Variants in KRT8 observed in about 807,000 individuals in gnomAD.
The protein encoded by KRT8 is keratin, type II cytoskeletal 8.
A neutral mutation model predicts 43.0 loss-of-function variants in KRT8; 24 were observed. That is an observed-to-expected ratio of 0.56 (90% CI 0.40 to 0.78). The LOEUF (loss-of-function observed/expected upper bound fraction) is 0.78. Ranked by LOEUF, KRT8 falls within the 30% of genes least tolerant of loss-of-function variation. KRT8 has a pLI of 0.00. For missense variants in KRT8, 492 were observed against 638.4 expected, an observed-to-expected ratio of 0.77 and a Z score of 2.47; for synonymous variants, 214 against 261.2, an observed-to-expected ratio of 0.82 and a Z score of 1.74.
Position 52,925,307 on chromosome 12 carries a change from A to G in KRT8, c.-46-20280T>C, listed in dbSNP as rs75297578. ...CATAAACCTTATCTCCTTCCTCTGA[A>G]TAGCTGGGATAGCTATCTCTGGCTC... On this transcript the variant is annotated intron_variant, in intron 2 of 6. Transcript: ENST00000546826. Among the ~76,000 whole-genome samples the G allele has an allele frequency of 2.6e-5, 4 of 152,278 alleles. No homozygotes were observed. The East Asian group carries it at 7.7e-4, about 29-fold the overall frequency.
rs185649654 is a variant in KRT8 at position 52,902,700 on chromosome 12, C to T, written c.325-628G>A. Reference sequence around the variant, plus strand: ...ACCGCGCCCGGCCAAAAATAGCCAACCTTTCTAAAGATGTTAAGATTGAAA... The same window carrying T: ...ACCGCGCCCGGCCAAAAATAGCCAATCTTTCTAAAGATGTTAAGATTGAAA... On this transcript the variant is annotated intron_variant, in intron 1 of 7. Coordinates refer to ENST00000692008, the Ensembl canonical transcript of KRT8. 5.1e-3 allele frequency among the ~76,000 whole-genome samples: 768 copies of T among 151,982 alleles called. 7 individuals carry two copies. Among genetic ancestry groups the T allele is most frequent in the African/African-American group, 0.017 (705 of 41,522 alleles).
chr12:52,932,241 A>T (rs1410475960), intron 2 of KRT8, among the ~76,000 whole-genome samples: 1 of 151,848 alleles, frequency 6.6e-6, no homozygotes, highest in Non-Finnish European at 1.5e-5. Context: ...AGCGCCTGCA[A>T]CCACACCTGG....
intron 2 of KRT8, among the ~76,000 whole-genome samples, chr12:52,913,640 A>G (rs1171352577): frequency 6.7e-6 from 1 of 148,214 alleles, no homozygotes; most frequent in Non-Finnish European, 1.5e-5. Context: ...TGTCCCTCAC[A>G]CACTCTCTCA....
chr12:52,938,172 T>TATA (rs1565733045), intron 2 of KRT8, among the ~76,000 whole-genome samples: 7 of 22,402 alleles, frequency 3.1e-4, no homozygotes, highest in African/African-American at 1.2e-3. Flanking sequence ...ATATATATAT[T>TATA]TTTTTTTTTT....
chr12:52,940,702 T>C (rs1056798563), intron 2 of KRT8, among the ~76,000 whole-genome samples: 23 of 147,420 alleles, frequency 1.6e-4, no homozygotes, highest in Non-Finnish European at 2.8e-4. Flanking sequence ...CTCAGCTCAC[T>C]GCAACCTCCT....
chr12:52,931,607 T>C (rs921587237), intron 2 of KRT8, among the ~76,000 whole-genome samples: 48 of 151,866 alleles, frequency 3.2e-4, no homozygotes, highest in African/African-American at 1.1e-3. Context: ...TCACTAACCT[T>C]TCCCACTTTA....
At chr12:52,918,482 C>A (rs1474055769) in intron 2 of KRT8, among the ~76,000 whole-genome samples, 68 of 152,272 alleles carry the variant, frequency 4.5e-4, no homozygotes, top group Admixed American at 4.4e-3. Flanking sequence ...GGCATCTGAG[C>A]CCCGCCAGAC....
chr12:52,938,159 TA>T (rs1565732929), intron 2 of KRT8, among the ~76,000 whole-genome samples: 41 of 40,392 alleles, frequency 1.0e-3, no homozygotes, highest in Non-Finnish European at 1.6e-3. Flanking sequence ...TATATATATA[TA>T]TATATATATA....
intron 2 of KRT8, among the ~76,000 whole-genome samples, chr12:52,945,983 G>A (rs1942338119): frequency 6.6e-6 from 1 of 152,152 alleles, no homozygotes; most frequent in African/African-American, 2.4e-5. Context: ...CTGAGCCACA[G>A]AGGAATCTGG....
At chr12:52,940,398 A>T (rs1942246636) in intron 2 of KRT8, among the ~76,000 whole-genome samples, 1 of 147,482 alleles carries the variant, frequency 6.8e-6, no homozygotes, top group Non-Finnish European at 1.5e-5. Flanking sequence ...ATGCCACTGC[A>T]CTCCAGCCTG....
In KRT8 at chr12:52,898,872, C is replaced by T. The variant is rs748049170; in HGVS notation, c.1009G>A (p.Asp337Asn). Reference sequence around the variant, plus strand: ...GCCAGCTCTCCACGCTGCTCGGCATCTGCAATGGCGGCCTCCAGGGAAGCC... The same window carrying T: ...GCCAGCTCTCCACGCTGCTCGGCATTTGCAATGGCGGCCTCCAGGGAAGCC... The change falls in exon 6 of 8, where the codon GAT (aspartate) becomes AAT (asparagine). Residue 337 changes from aspartate (D) to asparagine (N), a missense_variant. By Grantham distance (23) the Asp-to-Asn change is conservative. Around this residue, in one of 3 missense-constraint regions of KRT8, gnomAD observed 389 missense variants for 485.7 expected, o/e 0.80. Transcript: ENST00000692008. The T allele has an allele frequency of 5.0e-6, 8 of 1,613,122 alleles. No homozygotes were observed. The South Asian group carries it at 7.7e-5, about 16-fold the overall frequency.
exon 2 of KRT8, chr12:52,949,551 G>T (rs140324943): frequency 1.2e-6 from 2 of 1,613,916 alleles, no homozygotes; most frequent in African/African-American, 2.7e-5. Context: ...TCAGAGACTG[G>T]AGCCATTACT....
chr12:52,930,596 C>T (rs1027838308), intron 2 of KRT8, among the ~76,000 whole-genome samples: 4 of 151,712 alleles, frequency 2.6e-5, no homozygotes, highest in Admixed American at 6.6e-5. Context: ...AGTCTTACTC[C>T]GTCACCCAGG....
chr12:52,918,238 G>C (rs1193128743), intron 2 of KRT8, among the ~76,000 whole-genome samples: 2 of 151,380 alleles, frequency 1.3e-5, no homozygotes, highest in East Asian at 1.9e-4. Context: ...AGAAGAAGAA[G>C]AAGAAGAAGA....
chr12:52,933,634 A>AT (rs1227316067), intron 2 of KRT8, among the ~76,000 whole-genome samples: 1 of 151,946 alleles, frequency 6.6e-6, no homozygotes, highest in Non-Finnish European at 1.5e-5. Context: ...TTATTTTTTT[A>AT]TTTTTTTGAG....
rs1483745085 is a variant in KRT8 at position 52,900,936 on chromosome 12, T to A, written c.594+223A>T. The stretch of plus-strand genomic sequence containing the variant: ...TCTAGAGCCAGATCTCCAGTTCTAC[T>A]GCTCTGTTTTCTGAACCATGTCCCA... On this transcript the variant is annotated intron_variant, in intron 3 of 7. Transcript: ENST00000692008. 6.3e-6 allele frequency: 4 copies of A among 636,406 alleles called. No homozygotes were observed. In the East Asian group the frequency reaches 1.1e-4, roughly 17 times the overall value. 39.4% of individuals were successfully genotyped at this position (636,406 alleles called of 1,614,324 possible).
intron 2 of KRT8, chr12:52,947,652 A>G (rs900182893): frequency 1.5e-5 from 2 of 133,504 alleles, no homozygotes; most frequent in Non-Finnish European, 3.2e-5. Flanking sequence ...TAATTTTTGT[A>G]TTTTTAGTAG....
chr12:52,898,857 C>T (rs1941287375), exon 6 of KRT8: 2 of 1,613,270 alleles, frequency 1.2e-6, no homozygotes, highest in Non-Finnish European at 1.7e-6. Flanking sequence ...GCCAGCTCTC[C>T]ACGCTGCTCG....
intron 2 of KRT8, among the ~76,000 whole-genome samples, chr12:52,931,069 TTC>T (rs1942074491): frequency 6.8e-6 from 1 of 147,214 alleles, no homozygotes; most frequent in Admixed American, 6.8e-5. Flanking sequence ...CTCCCCCAGA[TTC>T]TTTTTTTTTT....
Sources: allele counts gnomAD v4.1 joint callset (sites outside exome capture counted in the v4.1 genomes callset), GRCh38; gene constraint gnomAD v4.1.1; regional missense constraint gnomAD v4.1.1; transcripts MANE v1.5; gene names NCBI Gene and HGNC (gene_info 2026-07-23, HGNC 2026-07-21).